The following PRORP variants were observed in gnomAD, a reference collection of about 807,000 sequenced individuals.
PRORP encodes the protein protein only RNase P catalytic subunit, also known as mitochondrial ribonuclease P catalytic subunit.
Under a neutral mutation model 59.4 loss-of-function variants are expected in PRORP, and 51 were observed. The ratio of observed to expected loss-of-function variants is 0.86; its 90% confidence interval spans 0.69 to 1.08. PRORP has a LOEUF of 1.08. Among genes scored for constraint, PRORP ranks in the 50% least tolerant of loss-of-function variants. The probability of loss-of-function intolerance (pLI) is 0.00; values close to 1 mark genes in which losing one functional copy is unlikely to be tolerated. For synonymous variants in PRORP, 231 were observed against 245.6 expected, an observed-to-expected ratio of 0.94 and a Z score of 0.55; for missense variants, 646 against 690.3, an observed-to-expected ratio of 0.94 and a Z score of 0.72.
At chr14:35,268,357 A>AAC (rs1215699756) in intron 6 of PRORP, among the ~76,000 whole-genome samples, 9 of 151,458 alleles carry the variant, frequency 5.9e-5, no homozygotes, top group African/African-American at 2.2e-4. Flanking sequence ...AAAAAAAAAA[A>AAC]AAAAAACAAC....
chr14:35,234,349 G>T (rs1214728183), intron 5 of PRORP, among the ~76,000 whole-genome samples: 1 of 152,180 alleles, frequency 6.6e-6, no homozygotes, highest in Non-Finnish European at 1.5e-5. Flanking sequence ...TCCAAATACT[G>T]TGTTTCCTAG....
At chr14:35,173,687 C>T (rs1296096345) in intron 4 of PRORP, among the ~76,000 whole-genome samples, 3 of 152,066 alleles carry the variant, frequency 2.0e-5, no homozygotes, top group Non-Finnish European at 4.4e-5. Flanking sequence ...CTGACCAAGA[C>T]AAATTTTACC....
intron 5 of PRORP, among the ~76,000 whole-genome samples, chr14:35,237,137 G>A (rs897382857): frequency 1.7e-4 from 26 of 149,398 alleles, no homozygotes; most frequent in African/African-American, 6.2e-4. Context: ...CTGTCACCCA[G>A]GCTACAGTGC....
intron 5 of PRORP, among the ~76,000 whole-genome samples, chr14:35,231,068 G>A (rs1365261686): frequency 6.6e-6 from 1 of 152,118 alleles, no homozygotes; most frequent in Non-Finnish European, 1.5e-5. Flanking sequence ...GTGGCTGGGG[G>A]ATGGAGTGGG....
intron 5 of PRORP, among the ~76,000 whole-genome samples, chr14:35,250,760 G>C (rs377324286): frequency 5.9e-5 from 9 of 152,186 alleles, no homozygotes; most frequent in African/African-American, 1.7e-4. Flanking sequence ...TTAAAAGAGG[G>C]AGATATTGCC....
chr14:35,196,250 G>A (rs2049005647), intron 5 of PRORP, among the ~76,000 whole-genome samples: 1 of 152,210 alleles, frequency 6.6e-6, no homozygotes, highest in Non-Finnish European at 1.5e-5. Context: ...CGAGGTGGGA[G>A]GACCACTTGA....
upstream of PRORP, chr14:35,121,929 G>A (rs1272091621): frequency 6.2e-7 from 1 of 1,614,202 alleles, no homozygotes; most frequent in Non-Finnish European, 8.5e-7. Flanking sequence ...GGCGTCGCTA[G>A]GCGCCGACGA....
At chr14:35,215,793 G>T (rs1414552511) in intron 5 of PRORP, among the ~76,000 whole-genome samples, 1 of 151,428 alleles carries the variant, frequency 6.6e-6, no homozygotes, top group Admixed American at 6.6e-5. Context: ...GGGGGACAGG[G>T]TCTCACCCTG....
rs184949445 is a variant in PRORP at position 35,161,399 on chromosome 14, G to A, written c.1168-19271G>A. 8.6e-4 allele frequency among the ~76,000 whole-genome samples: 131 copies of A among 152,314 alleles called. 1 individual carries two copies. Among genetic ancestry groups the A allele is most frequent in the African/African-American group, 3.0e-3 (123 of 41,572 alleles). The stretch of plus-strand genomic sequence containing the variant: ...TTTCTACACATTTCCTTCCAAGGAC[G>A]AAGGGAAGTTAGACACTGTGTTGGC... On this transcript the variant is annotated intron_variant, in intron 4 of 7. Coordinates refer to ENST00000534898, the MANE Select transcript of PRORP (RefSeq NM_014672.4).
At chr14:35,251,935 C>T (rs1399163666) in intron 5 of PRORP, among the ~76,000 whole-genome samples, 1 of 152,084 alleles carries the variant, frequency 6.6e-6, no homozygotes, top group African/African-American at 2.4e-5. Context: ...GGCACAGGTG[C>T]AGGCGGGAGG....
At chr14:35,255,186 G>A (rs2050719267) in intron 5 of PRORP, among the ~76,000 whole-genome samples, 1 of 152,140 alleles carries the variant, frequency 6.6e-6, no homozygotes, top group African/African-American at 2.4e-5. Context: ...GGAGTGCAGT[G>A]GCGTGATCTC....
At chr14:35,190,595 T>A (rs2048858850) in intron 5 of PRORP, among the ~76,000 whole-genome samples, 1 of 152,002 alleles carries the variant, frequency 6.6e-6, no homozygotes, top group Non-Finnish European at 1.5e-5. Flanking sequence ...AACCTCCGCC[T>A]CCGGAGTTCA....
intron 4 of PRORP, among the ~76,000 whole-genome samples, chr14:35,165,288 A>G (rs1230595018): frequency 6.6e-6 from 1 of 151,554 alleles, no homozygotes; most frequent in Non-Finnish European, 1.5e-5. Flanking sequence ...GCTGGGGTCC[A>G]GCTTGATTTC....
At chr14:35,157,734 G>A (rs2047951673) in intron 4 of PRORP, among the ~76,000 whole-genome samples, 2 of 152,082 alleles carry the variant, frequency 1.3e-5, no homozygotes, top group African/African-American at 4.8e-5. Context: ...ACAATTCAAG[G>A]CATCTTAATC....
chr14:35,214,631 G>T (rs2049539025), intron 5 of PRORP, among the ~76,000 whole-genome samples: 1 of 152,228 alleles, frequency 6.6e-6, no homozygotes, highest in South Asian at 2.1e-4. Context: ...CTGGGGCCGG[G>T]TGTGGTGGCT....
At chr14:35,253,224 C>T (rs903462509) in intron 5 of PRORP, among the ~76,000 whole-genome samples, 2 of 151,534 alleles carry the variant, frequency 1.3e-5, no homozygotes, top group Non-Finnish European at 1.5e-5. Context: ...GTCCCAGCTA[C>T]TCAGGAGGTG....
At chr14:35,242,747 G>C (rs1025085729) in intron 5 of PRORP, among the ~76,000 whole-genome samples, 5 of 152,126 alleles carry the variant, frequency 3.3e-5, no homozygotes, top group Non-Finnish European at 7.4e-5. Flanking sequence ...TTGGTATTGT[G>C]ACTTTGTTCC....
intron 4 of PRORP, among the ~76,000 whole-genome samples, chr14:35,177,134 T>G (rs2048473125): frequency 6.6e-6 from 1 of 152,198 alleles, no homozygotes; most frequent in Non-Finnish European, 1.5e-5. Flanking sequence ...TGCTGCTGGA[T>G]TCAGTTTGCC....
chr14:35,234,457 C>T (rs2050154990), intron 5 of PRORP, among the ~76,000 whole-genome samples: 1 of 152,188 alleles, frequency 6.6e-6, no homozygotes, highest in Non-Finnish European at 1.5e-5. Context: ...CCATGTTCAG[C>T]CTCTTAAAAC....
Sources: allele counts gnomAD v4.1 joint callset (sites outside exome capture counted in the v4.1 genomes callset), GRCh38; gene constraint gnomAD v4.1.1; transcripts MANE v1.5; gene names NCBI Gene and HGNC (gene_info 2026-07-23, HGNC 2026-07-21).